PTPRD: variants seen among roughly 807,000 people sequenced by gnomAD.
PTPRD encodes receptor-type tyrosine-protein phosphatase delta.
A neutral mutation model predicts 214.5 loss-of-function variants in PTPRD; 34 were observed. That is an observed-to-expected ratio of 0.16 (90% confidence interval 0.12 to 0.21). PTPRD has a LOEUF of 0.21. PTPRD is among the 10% of genes least tolerant of loss of function. The pLI, the probability that PTPRD is intolerant of heterozygous loss-of-function variation, is 1.00. For missense variants in PTPRD, 2,545 were observed against 2,398.7 expected (o/e 1.06, Z -1.27); for synonymous variants, 1,128 against 845.7 (o/e 1.33, Z -5.79).
At chr9:8,615,344 T>C (rs1003781938) in intron 14 of PTPRD, among the ~76,000 whole-genome samples, 2 of 152,064 alleles carry the variant, frequency 1.3e-5, no homozygotes, top group African/African-American at 4.8e-5. Context: ...GCATAGTAAG[T>C]ACACCAAGCA....
chr9:10,590,476 C>T (rs552564876), intron 2 of PTPRD, among the ~76,000 whole-genome samples: 11 of 151,924 alleles, frequency 7.2e-5, no homozygotes, highest in Non-Finnish European at 1.5e-4. Flanking sequence ...TCTTCCACAT[C>T]TTCTCCTCTG....
intron 14 of PTPRD, among the ~76,000 whole-genome samples, chr9:8,582,472 G>C (rs139657924): frequency 6.6e-6 from 1 of 152,236 alleles, no homozygotes; most frequent in Non-Finnish European, 1.5e-5. Context: ...AGATAGGCTA[G>C]TCCCAGACTG....
At chr9:8,918,440 G>C (rs1447323154) in intron 11 of PTPRD, among the ~76,000 whole-genome samples, 1 of 152,068 alleles carries the variant, frequency 6.6e-6, no homozygotes, top group African/African-American at 2.4e-5. Flanking sequence ...GGGATTTTTA[G>C]CAGTAAAAAA....
Position 10,213,267 on chromosome 9 carries a change from A to C in PTPRD, c.-545+127696T>G, listed in dbSNP as rs568906138. On this transcript the variant is annotated intron_variant, in intron 3 of 45. Transcript: ENST00000381196. ...CAGAGTAAGCAAGTCAAAACATTAT[A>C]AAATAGAGTTATAACAATCTACTCC... Among the ~76,000 whole-genome samples the C allele has an allele frequency of 4.6e-5, 7 of 152,264 alleles. No homozygotes were observed. In the East Asian group the frequency reaches 1.4e-3, roughly 29 times the overall value.
At chr9:9,125,028 C>T (rs1475918232) in intron 10 of PTPRD, among the ~76,000 whole-genome samples, 1 of 151,314 alleles carries the variant, frequency 6.6e-6, no homozygotes, top group Non-Finnish European at 1.5e-5. Flanking sequence ...CCTTCATCCA[C>T]TGTCTATCCA....
intron 2 of PTPRD, among the ~76,000 whole-genome samples, chr9:10,434,594 G>A (rs2098704899): frequency 1.3e-5 from 2 of 151,930 alleles, no homozygotes; most frequent in Non-Finnish European, 2.9e-5. Flanking sequence ...ACTATAATAT[G>A]TACTCATTCA....
chr9:9,985,349 A>G (rs541530622), intron 4 of PTPRD, among the ~76,000 whole-genome samples: 1 of 152,312 alleles, frequency 6.6e-6, no homozygotes, highest in South Asian at 2.1e-4. Flanking sequence ...ATAATTAACA[A>G]TACACAATAC....
intron 3 of PTPRD, among the ~76,000 whole-genome samples, chr9:10,045,818 CATTT>C (rs1488321770): frequency 2.6e-5 from 4 of 151,638 alleles, no homozygotes; most frequent in African/African-American, 9.7e-5. Flanking sequence ...GTATCAGAAA[CATTT>C]ATTTTCATCA....
At chr9:9,616,234 T>C (rs566333864) in intron 7 of PTPRD, among the ~76,000 whole-genome samples, 1 of 152,300 alleles carries the variant, frequency 6.6e-6, no homozygotes, top group Non-Finnish European at 1.5e-5. Context: ...TTTTTATAAG[T>C]ATATCCCAAG....
intron 25 of PTPRD, among the ~76,000 whole-genome samples, chr9:8,499,309 T>C (rs62534038): frequency 0.031 from 4,743 of 152,264 alleles, 124 homozygotes; most frequent in Non-Finnish European, 0.05. Context: ...ATCAGCAAAA[T>C]TGCAGTTTAG....
chr9:10,273,125 T>G (rs1456452337), intron 3 of PTPRD, among the ~76,000 whole-genome samples: 1 of 152,198 alleles, frequency 6.6e-6, no homozygotes, highest in Non-Finnish European at 1.5e-5. Flanking sequence ...CTTTTGCAGA[T>G]GATGTACCTG....
At chr9:10,028,990 C>A (rs1217006) in intron 4 of PTPRD, among the ~76,000 whole-genome samples, 35,431 of 151,940 alleles carry the variant, frequency 0.23, 6,086 homozygotes, top group African/African-American at 0.48. Flanking sequence ...GGCTGTGTGC[C>A]GCCTAGGGAC....
chr9:9,346,732 G>T (rs1341726507), intron 9 of PTPRD, among the ~76,000 whole-genome samples: 2 of 151,258 alleles, frequency 1.3e-5, no homozygotes, highest in African/African-American at 2.4e-5. Flanking sequence ...TGCTCTTGTT[G>T]CCCAGGCTGG....
chr9:9,116,274 A>T (rs969531875), intron 10 of PTPRD, among the ~76,000 whole-genome samples: 73 of 152,176 alleles, frequency 4.8e-4, no homozygotes, highest in African/African-American at 1.6e-3. Flanking sequence ...TTACTATGGA[A>T]TACTATTCAG....
chr9:9,580,618 T>G (rs147454551), intron 7 of PTPRD, among the ~76,000 whole-genome samples: 1 of 149,378 alleles, frequency 6.7e-6, no homozygotes, highest in African/African-American at 2.5e-5. Flanking sequence ...GTGTGATCTC[T>G]GCTCACTGCA....
At chr9:10,049,292 G>C (rs1219851969) in intron 3 of PTPRD, among the ~76,000 whole-genome samples, 1 of 151,646 alleles carries the variant, frequency 6.6e-6, no homozygotes, top group Non-Finnish European at 1.5e-5. Context: ...CCTGCTTCTT[G>C]TGGGTCCATA....
At chr9:8,431,949 G>T (rs1367657562) in intron 35 of PTPRD, among the ~76,000 whole-genome samples, 1 of 152,190 alleles carries the variant, frequency 6.6e-6, no homozygotes, top group Non-Finnish European at 1.5e-5. Flanking sequence ...CTGTGAATCT[G>T]TCTGGTCCTG....
At chr9:10,051,397 G>C (rs1006254752) in intron 3 of PTPRD, among the ~76,000 whole-genome samples, 10 of 151,592 alleles carry the variant, frequency 6.6e-5, no homozygotes, top group African/African-American at 2.4e-4. Flanking sequence ...GTCATCTCCA[G>C]TTTTTTCCTC....
chr9:8,964,591 T>C (rs1382339605), intron 11 of PTPRD, among the ~76,000 whole-genome samples: 1 of 152,010 alleles, frequency 6.6e-6, no homozygotes, highest in Non-Finnish European at 1.5e-5. Context: ...CTTTCATTCT[T>C]CTAGTTTGGA....
Sources: allele counts gnomAD v4.1 joint callset (sites outside exome capture counted in the v4.1 genomes callset), GRCh38; gene constraint gnomAD v4.1.1; transcripts MANE v1.5; gene names NCBI Gene and HGNC (gene_info 2026-07-23, HGNC 2026-07-21).